Variants in DTNA observed in about 807,000 individuals in gnomAD.
DTNA encodes dystrophin-related protein 3.
DTNA carries 43 observed loss-of-function variants against 100.7 expected under a neutral mutation model. The ratio of observed to expected loss-of-function variants is 0.43; its 90% CI spans 0.33 to 0.55. The LOEUF (loss-of-function observed/expected upper bound fraction) is 0.55, where lower values mean the gene tolerates loss of function less well. DTNA is among the 20% of genes least tolerant of loss of function. The pLI, the probability that DTNA is intolerant of heterozygous loss-of-function variation, is 0.04. For missense variants in DTNA, 798 were observed against 953.9 expected (o/e 0.84, Z 2.15); for synonymous variants, 349 against 347.9 (o/e 1.00, Z -0.04).
intron 13 of DTNA, among the ~76,000 whole-genome samples, chr18:34,846,161 C>G (rs2096373795): frequency 6.6e-6 from 1 of 152,082 alleles, no homozygotes; most frequent in Non-Finnish European, 1.5e-5. Context: ...TGCATCTTCT[C>G]AGGTCCCACC....
intron 1 of DTNA, among the ~76,000 whole-genome samples, chr18:34,494,929 T>C (rs983491470): frequency 6.6e-6 from 1 of 152,174 alleles, no homozygotes; most frequent in Admixed American, 6.5e-5. Flanking sequence ...GTGGAAACTT[T>C]AGGAAAAAAG....
intron 14 of DTNA, among the ~76,000 whole-genome samples, chr18:34,848,746 G>C (rs560357926): frequency 6.6e-6 from 1 of 152,156 alleles, no homozygotes; most frequent in African/African-American, 2.4e-5. Flanking sequence ...AGGCAGAGTA[G>C]TTGCAAGTGA....
intron 1 of DTNA, among the ~76,000 whole-genome samples, chr18:34,591,920 T>C (rs947949440): frequency 6.6e-6 from 1 of 152,222 alleles, no homozygotes. Context: ...TTTTCCCTCA[T>C]GGTTTCTTAA....
At chr18:34,594,215 G>A (rs2050127329) in intron 1 of DTNA, among the ~76,000 whole-genome samples, 1 of 151,836 alleles carries the variant, frequency 6.6e-6, no homozygotes, top group African/African-American at 2.4e-5. Context: ...GAGAAGACAA[G>A]GGAGAGGAAG....
At chr18:34,607,851 G>A (rs2053449613) in intron 1 of DTNA, among the ~76,000 whole-genome samples, 1 of 152,128 alleles carries the variant, frequency 6.6e-6, no homozygotes, top group Admixed American at 6.5e-5. Flanking sequence ...ATACAGAATT[G>A]CATACAACAA....
Position 34,889,507 on chromosome 18 carries a change from TG to T in DTNA, c.*1777del. The T allele has an allele frequency of 1.0e-6, 1 of 985,454 alleles. No homozygotes were observed. The highest frequency in any genetic ancestry group is 1.2e-6 in the Non-Finnish European group (1 of 829,944). The allele number at this position is 985,454 out of a possible 1,614,324, so 61.0% of individuals were successfully genotyped here. On this transcript the variant is annotated 3_prime_UTR_variant, in exon 23 of 23. Coordinates refer to ENST00000444659, the MANE Select transcript of DTNA (RefSeq NM_001386795.1). ...AGGTTCTGTGATTCACTTTTGCTTC[TG>T]GGGCTGGCAAAAACCTTCTCTGAAC... is the stretch of plus-strand genomic sequence containing the variant.
intron 3 of DTNA, among the ~76,000 whole-genome samples, chr18:34,775,262 G>A (rs1294264564): frequency 2.6e-5 from 4 of 152,066 alleles, no homozygotes; most frequent in Admixed American, 1.3e-4. Flanking sequence ...CGAGGCGGGC[G>A]GATCACAAGG....
intron 18 of DTNA, among the ~76,000 whole-genome samples, chr18:34,876,812 A>C (rs1192182380): frequency 6.6e-6 from 1 of 152,234 alleles, no homozygotes; most frequent in African/African-American, 2.4e-5. Flanking sequence ...TGTAATTCAC[A>C]AAATAACTTT....
intron 1 of DTNA, among the ~76,000 whole-genome samples, chr18:34,628,238 T>C (rs1449733993): frequency 6.6e-6 from 1 of 152,248 alleles, no homozygotes; most frequent in Non-Finnish European, 1.5e-5. Context: ...CCCTCTCTGC[T>C]AACCAACGTC....
chr18:34,553,293 G>A (rs1393034347), intron 1 of DTNA, among the ~76,000 whole-genome samples: 5 of 151,636 alleles, frequency 3.3e-5, no homozygotes, highest in Non-Finnish European at 7.4e-5. Flanking sequence ...TTTGTCAGAT[G>A]AGTAGGTTGC....
chr18:34,604,212 A>C (rs749246637), intron 1 of DTNA, among the ~76,000 whole-genome samples: 9 of 152,184 alleles, frequency 5.9e-5, no homozygotes, highest in Non-Finnish European at 1.3e-4. Flanking sequence ...CACTCTGAGA[A>C]GATAATCCTG....
At chr18:34,661,561 A>G (rs1414216410) in intron 1 of DTNA, among the ~76,000 whole-genome samples, 2 of 152,224 alleles carry the variant, frequency 1.3e-5, no homozygotes, top group African/African-American at 4.8e-5. Flanking sequence ...CATCTCACAC[A>G]TAACAGCCAG....
chr18:34,523,262 A>G (rs1222858698), intron 1 of DTNA, among the ~76,000 whole-genome samples: 2 of 152,032 alleles, frequency 1.3e-5, no homozygotes, highest in Admixed American at 6.6e-5. Flanking sequence ...TCTCTTTTCA[A>G]TTTTCTTGTT....
chr18:34,517,229 T>A (rs1431843145), intron 1 of DTNA, among the ~76,000 whole-genome samples: 1 of 152,128 alleles, frequency 6.6e-6, no homozygotes, highest in Non-Finnish European at 1.5e-5. Flanking sequence ...ACACTGAAGC[T>A]GCCCTAAATT....
At chr18:34,638,895 G>A (rs1214623360) in intron 1 of DTNA, among the ~76,000 whole-genome samples, 1 of 152,178 alleles carries the variant, frequency 6.6e-6, no homozygotes, top group African/African-American at 2.4e-5. Context: ...AGGCTGGAGT[G>A]TAATGGCATC....
chr18:34,793,922 C>T, intron 3 of DTNA, 115 bp from the exon 4 acceptor site: 1 of 1,065,340 alleles, frequency 9.4e-7, no homozygotes, highest in Non-Finnish European at 1.4e-6. Flanking sequence ...TGACCCCCTG[C>T]AACAGCTGCA....
At chr18:34,552,364 A>T (rs1280892768) in intron 1 of DTNA, among the ~76,000 whole-genome samples, 1 of 150,364 alleles carries the variant, frequency 6.7e-6, no homozygotes, top group African/African-American at 2.4e-5. Flanking sequence ...TGGTTTGCTT[A>T]TTTTTTTTTA....
chr18:34,799,496 GA>G (rs1169730621), intron 4 of DTNA, among the ~76,000 whole-genome samples: 1 of 151,886 alleles, frequency 6.6e-6, no homozygotes, highest in Non-Finnish European at 1.5e-5. Flanking sequence ...AAGCAAAGAA[GA>G]AAAAAAGAGA....
At chr18:34,727,215 A>C (rs1471430488) in intron 1 of DTNA, among the ~76,000 whole-genome samples, 2 of 152,184 alleles carry the variant, frequency 1.3e-5, no homozygotes, top group African/African-American at 4.8e-5. Flanking sequence ...ATTCTTTCCT[A>C]CTGTGATCCT....
Sources: allele counts gnomAD v4.1 joint callset (sites outside exome capture counted in the v4.1 genomes callset), GRCh38; gene constraint gnomAD v4.1.1; transcripts MANE v1.5; gene names NCBI Gene and HGNC (gene_info 2026-07-23, HGNC 2026-07-21).